The following SEPTIN6 variants were observed in gnomAD, a reference collection of about 807,000 sequenced individuals.
SEPTIN6 encodes the protein septin 6, also known as septin-6.
Under a neutral mutation model 33.6 loss-of-function variants are expected in SEPTIN6, and 8 were observed. The ratio of observed to expected loss-of-function variants is 0.24; its 90% confidence interval spans 0.14 to 0.43. SEPTIN6 has a LOEUF of 0.43. Ranked by LOEUF, SEPTIN6 falls within the 20% of genes least tolerant of loss-of-function variation. The probability of loss-of-function intolerance (pLI) is 1.00; values close to 1 mark genes in which losing one functional copy is unlikely to be tolerated. For missense variants in SEPTIN6, 250 were observed against 340.8 expected, an observed-to-expected ratio of 0.73 and a Z score of 2.10; for synonymous variants, 131 against 140.0, an observed-to-expected ratio of 0.94 and a Z score of 0.45.
intron 1 of SEPTIN6, among the ~76,000 whole-genome samples, chrX:119,683,333 C>T (rs2054997787): frequency 8.9e-6 from 1 of 112,465 alleles, no homozygotes; most frequent in Admixed American, 9.4e-5. Context: ...CAGTCACCTA[C>T]TGGTGGGCCC....
At chrX:119,688,974 G>A (rs1156917288) in intron 1 of SEPTIN6, among the ~76,000 whole-genome samples, 1 of 110,923 alleles carries the variant, frequency 9.0e-6, no homozygotes, top group Non-Finnish European at 1.9e-5. Flanking sequence ...GAATCAAAGG[G>A]TAACTGCCAC....
In SEPTIN6 at chrX:119,665,105, T is replaced by TC. The variant is rs1322013986; in HGVS notation, c.146-1429_146-1428insG. Among the ~76,000 whole-genome samples, 11 of 100,198 alleles carry TC rather than the reference T, an allele frequency of 1.1e-4. 1 individual carries two copies. Among genetic ancestry groups the TC allele is most frequent in the East Asian group, 6.2e-4 (2 of 3,246 alleles). 87.0% of individuals were successfully genotyped at this position (100,198 alleles called of 115,157 possible). A position where few individuals can be genotyped will look rare whatever the true frequency, so the allele number is the denominator to read the frequency against. The stretch of plus-strand genomic sequence containing the variant: ...CAAAAATTCTTCTTCTTCTTCTTCT[T>TC]TTTTTTTTTTTTTTTTGATACAGCG... On this transcript the variant is annotated intron_variant, in intron 2 of 10. Coordinates refer to ENST00000394610, the MANE Select transcript of SEPTIN6 (RefSeq NM_145799.4).
rs1446395691 is a variant in SEPTIN6 at position 119,618,836 on chromosome X, G to A, written c.*1257C>T. 10 of 1,206,513 alleles carry A rather than the reference G, an allele frequency of 8.3e-6. No homozygotes were observed. Among genetic ancestry groups the A allele is most frequent in the Non-Finnish European group, 3.4e-6 (3 of 892,888 alleles). The stretch of plus-strand genomic sequence containing the variant: ...GCATGTTAGCCACAGATCATTGCCA[G>A]GTCAACTCCATCTCTCACACTGTCA... On this transcript the variant is annotated 3_prime_UTR_variant, in exon 11 of 11. Coordinates refer to ENST00000394610, the MANE Select transcript of SEPTIN6 (RefSeq NM_145799.4).
At chrX:119,625,504 G>T (rs2053844487) in intron 9 of SEPTIN6, 125 bp from the exon 10 acceptor site, 6 of 610,128 alleles carry the variant, frequency 9.8e-6, no homozygotes, top group Non-Finnish European at 1.6e-5. Context: ...AGGGGAAGTG[G>T]GAAGGGTGGA....
intron 4 of SEPTIN6, 95 bp from the exon 5 acceptor site, chrX:119,650,193 C>A: frequency 1.1e-6 from 1 of 902,715 alleles, no homozygotes; most frequent in Non-Finnish European, 1.6e-6. Context: ...GAGGGAGCCG[C>A]TCAGCCCAGT....
intron 1 of SEPTIN6, chrX:119,686,471 A>G: frequency 2.2e-6 from 1 of 459,307 alleles, no homozygotes; most frequent in Non-Finnish European, 3.3e-6. Context: ...AAGTGAGTGG[A>G]AGGGCCGGCT....
In SEPTIN6 at chrX:119,679,573, G is replaced by A. The variant is rs183647140; in HGVS notation, c.31-3905C>T. Reference sequence around the variant, plus strand: ...TGAGAGATGTCTTAAGAAGGGATGAGCCTCTGCCGGGAGCAGTGGCTCACG... The same window carrying A: ...TGAGAGATGTCTTAAGAAGGGATGAACCTCTGCCGGGAGCAGTGGCTCACG... On this transcript the variant is annotated intron_variant, in intron 1 of 10. Coordinates refer to ENST00000394610, the MANE Select transcript of SEPTIN6 (RefSeq NM_145799.4). Among the ~76,000 whole-genome samples the A allele has an allele frequency of 4.5e-5, 5 of 111,934 alleles. No homozygotes were observed. The Admixed American group carries it at 4.7e-4, about 11-fold the overall frequency.
chrX:119,676,131 C>A lies in SEPTIN6; in HGVS notation c.31-463G>T, dbSNP rs369503343. Among the ~76,000 whole-genome samples the A allele has an allele frequency of 1.2e-4, 13 of 111,832 alleles. 1 individual carries two copies. The South Asian group carries it at 4.8e-3, about 41-fold the overall frequency. ...ATACATGTAACGAGCTTAGTATATG[C>A]AGAAGTATTCAGTAAGTATTACGAA... On this transcript the variant is annotated intron_variant, in intron 1 of 10. Coordinates refer to ENST00000394610, the MANE Select transcript of SEPTIN6 (RefSeq NM_145799.4).
chrX:119,631,383 A>T (rs972091053), intron 8 of SEPTIN6, among the ~76,000 whole-genome samples: 4 of 106,682 alleles, frequency 3.7e-5, no homozygotes, highest in Admixed American at 3.0e-4. Context: ...GGTTTCACTG[A>T]GTTAGCCAGG....
intron 5 of SEPTIN6, among the ~76,000 whole-genome samples, chrX:119,649,180 G>A (rs187466795): frequency 5.1e-5 from 5 of 97,392 alleles, no homozygotes; most frequent in African/African-American, 7.9e-5. Context: ...GTGCAATGGC[G>A]TAATCTTGGC....
intron 2 of SEPTIN6, among the ~76,000 whole-genome samples, chrX:119,674,333 C>T (rs2054804652): frequency 9.1e-6 from 1 of 110,151 alleles, no homozygotes; most frequent in Non-Finnish European, 1.9e-5. Flanking sequence ...GCCACCGTGC[C>T]CGGCTAATTT....
chrX:119,640,057 C>T (rs1274107979), intron 6 of SEPTIN6, among the ~76,000 whole-genome samples: 3 of 108,206 alleles, frequency 2.8e-5, no homozygotes, highest in African/African-American at 1.0e-4. Flanking sequence ...GGTGATCCGC[C>T]TTCTTCGGCC....
At chrX:119,620,623 TTTG>T (rs1221227754) in intron 10 of SEPTIN6, among the ~76,000 whole-genome samples, 107 of 107,238 alleles carry the variant, frequency 1.0e-3, no homozygotes, top group African/African-American at 3.4e-3. Context: ...CCGGCTCTTT[TTTG>T]TTGTTGTTGT....
chrX:119,668,708 T>C (rs750613852), intron 2 of SEPTIN6, among the ~76,000 whole-genome samples: 1 of 111,894 alleles, frequency 8.9e-6, no homozygotes, highest in East Asian at 2.8e-4. Flanking sequence ...ATCCCAGCAC[T>C]TTGGGAGGTT....
rs1349158332 is a variant in SEPTIN6, at chrX:119,619,966, G to GC, written c.*126dup. On this transcript the variant is annotated 3_prime_UTR_variant, in exon 11 of 11. Transcript: ENST00000394610. ...GGAGAGGGCGCGGGTTGGATTGTAT[G>GC]CCCCCCAGGCATGTTAAGGGGGAAA... 1.7e-6 allele frequency: 2 copies of GC among 1,194,072 alleles called. No homozygotes were observed. The highest frequency in any genetic ancestry group is 1.8e-5 in the African/African-American group (1 of 56,621).
At chrX:119,685,186 C>T (rs988901384) in intron 1 of SEPTIN6, among the ~76,000 whole-genome samples, 1 of 112,282 alleles carries the variant, frequency 8.9e-6, no homozygotes, top group Admixed American at 9.4e-5. Context: ...TCTTCTACTG[C>T]ATTGAAAGCA....
In SEPTIN6 at chrX:119,645,324, C is replaced by T. The variant is rs772303290; in HGVS notation, c.691-4536G>A. ...CGTGATCTCAGCTCACTGCAACCTC[C>T]GCGTCCCGGGTTCAAGTGATCCTCC... On this transcript the variant is annotated intron_variant, in intron 5 of 10. Transcript: ENST00000394610. Among the ~76,000 whole-genome samples, 389 of 105,966 alleles carry T rather than the reference C, an allele frequency of 3.7e-3. 4 individuals carry two copies. The highest frequency in any genetic ancestry group is 0.013 in the African/African-American group (368 of 28,826). The allele number at this position is 105,966 out of a possible 115,157, so 92.0% of individuals were successfully genotyped here. A position where few individuals can be genotyped will look rare whatever the true frequency, so the allele number is the denominator to read the frequency against.
chrX:119,644,207 G>A (rs1191931060), intron 5 of SEPTIN6, among the ~76,000 whole-genome samples: 1 of 111,080 alleles, frequency 9.0e-6, no homozygotes. Context: ...TCTCAGGAGA[G>A]TCTGTGTGAC....
chrX:119,664,859 A>G (rs1167884187), intron 2 of SEPTIN6, among the ~76,000 whole-genome samples: 1 of 106,495 alleles, frequency 9.4e-6, no homozygotes, highest in African/African-American at 3.4e-5. Flanking sequence ...AAAAAAAAAA[A>G]AAGACAGCGG....
Sources: allele counts gnomAD v4.1 joint callset (sites outside exome capture counted in the v4.1 genomes callset), GRCh38; gene constraint gnomAD v4.1.1; transcripts MANE v1.5; gene names NCBI Gene and HGNC (gene_info 2026-07-23, HGNC 2026-07-21).